ARAP1: variants seen among roughly 807,000 people sequenced by gnomAD.
ARAP1 encodes the protein ArfGAP with RhoGAP domain, ankyrin repeat and PH domain 1, also known as arf-GAP with Rho-GAP domain, ANK repeat and PH domain-containing protein 1.
A neutral mutation model predicts 172.2 loss-of-function variants in ARAP1; 76 were observed. The ratio of observed to expected loss-of-function variants is 0.44; its 90% CI spans 0.37 to 0.53. ARAP1 has a LOEUF of 0.53. Ranked by LOEUF, ARAP1 falls within the 20% of genes least tolerant of loss-of-function variation. The pLI, the probability that ARAP1 is intolerant of heterozygous loss-of-function variation, is 0.00. For missense variants in ARAP1, 1,686 were observed against 1,977.5 expected (o/e 0.85, Z 2.80); for synonymous variants, 804 against 803.3 (o/e 1.00, Z -0.01).
intron 30 of ARAP1, among the ~76,000 whole-genome samples, chr11:72,691,146 T>C (rs1855917274): frequency 6.6e-6 from 1 of 152,232 alleles, no homozygotes; most frequent in African/African-American, 2.4e-5. Context: ...AGTCCCAGTC[T>C]ACACTTATAG....
intron 3 of ARAP1, chr11:72,722,374 G>C: frequency 1.0e-6 from 1 of 985,262 alleles, no homozygotes; most frequent in Non-Finnish European, 1.2e-6. Context: ...AGAATCCCCC[G>C]GGGCAGACAC....
rs143728742 is a variant in ARAP1 at position 72,701,302 on chromosome 11, G to C, written c.2302+347C>G. Among the ~76,000 whole-genome samples, 592 of 152,212 alleles carry C rather than the reference G, an allele frequency of 3.9e-3. 18 individuals are homozygous for C. Among genetic ancestry groups the C allele is most frequent in the Admixed American group, 0.035 (532 of 15,298 alleles). ...TTTCTTCTGAGTTGGGGAGTGAATG[G>C]AAGGCTGAGATCAGATGGATAGGGC... is the stretch of plus-strand genomic sequence containing the variant. On this transcript the variant is annotated intron_variant, in intron 16 of 34. Transcript: ENST00000393609.
At chr11:72,743,454 A>C (rs1321807423) in intron 1 of ARAP1, among the ~76,000 whole-genome samples, 1 of 151,566 alleles carries the variant, frequency 6.6e-6, no homozygotes, top group Non-Finnish European at 1.5e-5. Context: ...AGGCAAGAAG[A>C]GGGTGGCCAG....
chr11:72,709,809 G>T, intron 11 of ARAP1, 61 bp downstream of exon 11: 1 of 1,569,426 alleles, frequency 6.4e-7, no homozygotes, highest in Non-Finnish European at 8.8e-7. Context: ...CCCACGTCGC[G>T]CAAAAGGAAA....
chr11:72,699,894 T>G lies in ARAP1; in HGVS notation c.2303-342A>C. 2 of 332,650 alleles carry G rather than the reference T, an allele frequency of 6.0e-6. No homozygotes were observed. Among genetic ancestry groups the G allele is most frequent in the Non-Finnish European group, 1.1e-5 (2 of 175,878 alleles). 20.6% of individuals were successfully genotyped at this position (332,650 alleles called of 1,614,324 possible). ...GCCCTGCCAGGTCTACCCCTGCCCGTCTCTCCAGCTGCCTCTCTGTCACTC... is the reference window on the plus strand; with the variant it reads ...GCCCTGCCAGGTCTACCCCTGCCCGGCTCTCCAGCTGCCTCTCTGTCACTC... On this transcript the variant is annotated intron_variant, in intron 16 of 34. Transcript: ENST00000393609. This position sits in a 1 kb window ranked among gnomAD's most constrained non-coding sequence, Gnocchi z 4.2.
rs945624464 is a variant in ARAP1, at chr11:72,707,048, G to A, written c.1723+127C>T. 7.9e-6 allele frequency: 8 copies of A among 1,011,028 alleles called. No homozygotes were observed. The African/African-American group carries it at 1.3e-4, about 17-fold the overall frequency. 62.6% of individuals were successfully genotyped at this position (1,011,028 alleles called of 1,614,324 possible). A position where few individuals can be genotyped will look rare whatever the true frequency, so the allele number is the denominator to read the frequency against. Reference sequence around the variant, plus strand: ...AGCTAATCACAGGTGTGCAGGAGAAGCCTCATCAACAGCAGCTCTCTGAGT... The same window carrying A: ...AGCTAATCACAGGTGTGCAGGAGAAACCTCATCAACAGCAGCTCTCTGAGT... On this transcript the variant is annotated intron_variant, in intron 12 of 34. Transcript: ENST00000393609.
intron 33 of ARAP1, among the ~76,000 whole-genome samples, chr11:72,686,592 C>G (rs1022624412): frequency 6.6e-6 from 1 of 152,180 alleles, no homozygotes; most frequent in African/African-American, 2.4e-5. Flanking sequence ...GTTGTTTTGT[C>G]TCCCTTTCCC....
intron 27 of ARAP1, among the ~76,000 whole-genome samples, chr11:72,694,070 C>G (rs1856061799): frequency 6.6e-6 from 1 of 151,560 alleles, no homozygotes; most frequent in Admixed American, 6.6e-5. Flanking sequence ...CCCACCCTCC[C>G]TGTGGCCCCC....
chr11:72,691,279 G>A (rs1408215675), intron 30 of ARAP1, among the ~76,000 whole-genome samples: 1 of 152,214 alleles, frequency 6.6e-6, no homozygotes, highest in African/African-American at 2.4e-5. Context: ...ACTAAGCCAG[G>A]TTCCTTAGGG....
chr11:72,715,709 T>C (rs1335930635), intron 3 of ARAP1, among the ~76,000 whole-genome samples: 3 of 151,974 alleles, frequency 2.0e-5, no homozygotes, highest in Admixed American at 1.3e-4. Context: ...TAGGTGGGTC[T>C]CAAGGTGTAG....
chr11:72,728,673 A>T (rs1396017352), intron 2 of ARAP1, among the ~76,000 whole-genome samples: 1 of 152,226 alleles, frequency 6.6e-6, no homozygotes, highest in Non-Finnish European at 1.5e-5. Context: ...AGAAACCAGG[A>T]TGAAAGACCC....
In ARAP1 at chr11:72,707,345, T is replaced by C. The variant is rs1017286886; in HGVS notation, c.1553A>G (p.Glu518Gly). 32 of 1,613,118 alleles carry C rather than the reference T, an allele frequency of 2.0e-5. No individual in the cohort carries two copies. The highest frequency in any genetic ancestry group is 2.7e-5 in the Non-Finnish European group (32 of 1,179,696). ...SFSADSELEK[E>G]QWLEAMQGAI... ...TCCCTGCATGGCCTCCAACCACTGCTCCTTCTCTAGCTCTGAGTCAGCAGA... is the reference window on the plus strand; with the variant it reads ...TCCCTGCATGGCCTCCAACCACTGCCCCTTCTCTAGCTCTGAGTCAGCAGA... Residue 518 changes from glutamate to glycine, a missense_variant, in exon 12 of 35, where the codon GAG becomes GGG. Glu to Gly is a moderately conservative substitution (Grantham distance 98). Transcript: ENST00000393609.
chr11:72,710,046 G>T lies in ARAP1; in HGVS notation c.1417-70C>A. ...GGGCGTGAGGCTTGGGACAGGGAGA[G>T]GAAGGGAAGGTGGTGCAACTCAGGG... is the stretch of plus-strand genomic sequence containing the variant. On this transcript the variant is annotated intron_variant, in intron 10 of 34. Transcript: ENST00000393609. The surrounding 1 kb of genome is among the most constrained non-coding windows in gnomAD (Gnocchi z 4.3). 2 of 1,396,484 alleles carry T rather than the reference G, an allele frequency of 1.4e-6. No homozygotes were observed. The highest frequency in any genetic ancestry group is 1.0e-6 in the Non-Finnish European group (1 of 983,880). 86.5% of individuals were successfully genotyped at this position (1,396,484 alleles called of 1,614,324 possible). A position where few individuals can be genotyped will look rare whatever the true frequency, so the allele number is the denominator to read the frequency against.
At position 72,695,484 on chromosome 11, in the gene ARAP1, C is replaced by A; in HGVS notation, c.3508-29G>T. The A allele has an allele frequency of 6.2e-7, 1 of 1,614,182 alleles. No individual in the cohort carries two copies. The highest frequency in any genetic ancestry group is 8.5e-7 in the Non-Finnish European group (1 of 1,180,034). On this transcript the variant is annotated intron_variant, in intron 25 of 34. Transcript: ENST00000393609. This position sits in a 1 kb window ranked among gnomAD's most constrained non-coding sequence, Gnocchi z 4.4. The stretch of plus-strand genomic sequence containing the variant: ...CAGGGAGACAGGGCTCAGCTGGGGG[C>A]CTAGGAAATGGGTGCAGGTGGCAGG...
chr11:72,692,056 G>GA (rs1855955865), intron 30 of ARAP1, among the ~76,000 whole-genome samples: 1 of 152,086 alleles, frequency 6.6e-6, no homozygotes, highest in Admixed American at 6.5e-5. Context: ...CTGTTGCACG[G>GA]CCCTGTTCCC....
intron 33 of ARAP1, among the ~76,000 whole-genome samples, chr11:72,686,872 C>G (rs1159709468): frequency 6.6e-6 from 1 of 152,168 alleles, no homozygotes; most frequent in African/African-American, 2.4e-5. Flanking sequence ...AGTGGTTCCC[C>G]ACTGACCTCT....
At chr11:72,697,832 T>C in intron 19 of ARAP1, 79 bp downstream of exon 19, 1 of 1,489,660 alleles carries the variant, frequency 6.7e-7, no homozygotes, top group Non-Finnish European at 9.0e-7. Flanking sequence ...AGAGTTCAGA[T>C]TTCCAGGCAA....
At position 72,693,908 on chromosome 11, in the gene ARAP1, A is replaced by G. The variant is rs530098413; in HGVS notation, c.3695-103T>C. The G allele has an allele frequency of 3.3e-6, 3 of 923,016 alleles. No individual in the cohort carries two copies. Among genetic ancestry groups the G allele is most frequent in the Non-Finnish European group, 4.8e-6 (3 of 620,966 alleles). 57.2% of individuals were successfully genotyped at this position (923,016 alleles called of 1,614,324 possible). The stretch of plus-strand genomic sequence containing the variant: ...ACCTACACATCCCCTGTCCACTCCA[A>G]CCATATGCAAGTGCCACGACACAAA... On this transcript the variant is annotated intron_variant, in intron 27 of 34. Coordinates refer to ENST00000393609, the MANE Select transcript of ARAP1 (RefSeq NM_001040118.3). This position sits in a 1 kb window ranked among gnomAD's most constrained non-coding sequence, Gnocchi z 4.6.
chr11:72,705,856 C>T lies in ARAP1; in HGVS notation c.1758G>A (p.Lys586=), dbSNP rs2135528405. 6.2e-7 allele frequency: 1 copy of T among 1,614,146 alleles called. No homozygotes were observed. The highest frequency in any genetic ancestry group is 2.2e-5 in the East Asian group (1 of 44,884). The change falls in exon 13 of 35, where the codon AAG becomes AAA. Residue 586 remains lysine (K), a synonymous_variant. Transcript: ENST00000393609. ...TCCTGTCCATCTTCAGGCTCCGCAC[C>T]TTGGAGACGCCAGCGCCCAGGCCAC... is the stretch of plus-strand genomic sequence containing the variant. The part of the protein sequence containing the change: ...EHRGLGAGVS[K]VRSLKMDRKV...
Sources: gnomAD v4.1 joint callset for allele counts (sites outside exome capture counted in the v4.1 genomes callset) on GRCh38, gnomAD v4.1.1 for gene constraint, Gnocchi (gnomAD v3.1) non-coding constraint, MANE v1.5 for transcripts, NCBI Gene and HGNC (gene_info 2026-07-23, HGNC 2026-07-21) for gene names.